Variants in TNFSF10 observed in about 807,000 individuals in gnomAD.
The protein encoded by TNFSF10 is TNF superfamily member 10.
Under a neutral mutation model 29.5 loss-of-function variants are expected in TNFSF10, and 13 were observed. That is an observed-to-expected ratio of 0.44 (90% CI 0.29 to 0.70). The LOEUF is 0.70. Ranked by LOEUF, TNFSF10 falls within the 30% of genes least tolerant of loss-of-function variation. The probability of loss-of-function intolerance (pLI) is 0.13; values close to 1 mark genes in which losing one functional copy is unlikely to be tolerated. For synonymous variants in TNFSF10, 111 were observed against 112.8 expected (o/e 0.98, Z 0.10); for missense variants, 345 against 330.9 (o/e 1.04, Z -0.33).
intron 1 of TNFSF10, chr3:172,517,266 G>A: frequency 1.1e-6 from 1 of 919,286 alleles, no homozygotes; most frequent in South Asian, 5.0e-5. Flanking sequence ...TGTGCCACAG[G>A]GACTAGCCCA....
At chr3:172,520,568 C>T (rs1713640812) in intron 1 of TNFSF10, among the ~76,000 whole-genome samples, 1 of 152,230 alleles carries the variant, frequency 6.6e-6, no homozygotes, top group South Asian at 2.1e-4. Context: ...TTGAGCCTGA[C>T]TCTACCCTTG....
intron 2 of TNFSF10, among the ~76,000 whole-genome samples, chr3:172,514,141 A>T (rs1487118795): frequency 6.6e-6 from 1 of 152,138 alleles, no homozygotes; most frequent in East Asian, 1.9e-4. Context: ...ACCCGGCTGC[A>T]AATATTATTT....
intron 1 of TNFSF10, chr3:172,517,681 C>T: frequency 1.0e-6 from 1 of 985,204 alleles, no homozygotes; most frequent in Non-Finnish European, 1.2e-6. Context: ...TGGTTGTTTT[C>T]TCATAAGACT....
chr3:172,521,974 C>T (rs1450382523), intron 1 of TNFSF10, among the ~76,000 whole-genome samples: 1 of 151,890 alleles, frequency 6.6e-6, no homozygotes, highest in African/African-American at 2.4e-5. Flanking sequence ...TGTTCTCACT[C>T]ATAAGTGGGA....
chr3:172,519,161 T>A (rs1713570263), intron 1 of TNFSF10, among the ~76,000 whole-genome samples: 1 of 152,224 alleles, frequency 6.6e-6, no homozygotes, highest in Admixed American at 6.5e-5. Flanking sequence ...TACACAGTAA[T>A]TGCTCAATAT....
At chr3:172,517,213 A>G (rs1313337356) in intron 1 of TNFSF10, 3 of 564,748 alleles carry the variant, frequency 5.3e-6, no homozygotes, top group East Asian at 1.4e-4. Flanking sequence ...GCAACAACTT[A>G]TCAACTGAGG....
intron 2 of TNFSF10, among the ~76,000 whole-genome samples, chr3:172,512,102 T>C (rs1370429286): frequency 6.6e-6 from 1 of 152,160 alleles, no homozygotes; most frequent in Admixed American, 6.5e-5. Flanking sequence ...CTTAAAATTA[T>C]TGGACAGACC....
intron 2 of TNFSF10, among the ~76,000 whole-genome samples, chr3:172,512,120 C>T (rs189145397): frequency 6.6e-6 from 1 of 152,184 alleles, no homozygotes; most frequent in East Asian, 1.9e-4. Context: ...ACCCAAGCCT[C>T]AAGATGCAGG....
rs1241445831 is a variant in TNFSF10, at chr3:172,515,111, TTGAG to T, written c.133-117_133-114del. ...GCAGACTTAAAGAAGTTTTGGCATA[TTGAG>T]TAAGTTCCTGTTTGAAATAAAAGTA... On this transcript the variant is annotated intron_variant, in intron 1 of 4. Transcript: ENST00000241261. 1.1e-5 allele frequency: 15 copies of T among 1,401,870 alleles called. 1 individual carries two copies. The highest frequency in any genetic ancestry group is 3.7e-4 in the Middle Eastern group (2 of 5,358). The allele number at this position is 1,401,870 out of a possible 1,614,324, so 86.8% of individuals were successfully genotyped here.
intron 2 of TNFSF10, among the ~76,000 whole-genome samples, chr3:172,513,528 T>C (rs1237695138): frequency 6.6e-6 from 1 of 152,212 alleles, no homozygotes; most frequent in African/African-American, 2.4e-5. Context: ...CTAGGACTCC[T>C]AGAAGGAAGT....
chr3:172,517,655 T>A, intron 1 of TNFSF10: 4 of 985,428 alleles, frequency 4.1e-6, no homozygotes, highest in Non-Finnish European at 4.8e-6. Context: ...ACTGTGTGTG[T>A]GCATAATTTT....
intron 1 of TNFSF10, chr3:172,518,271 G>T: frequency 2.6e-6 from 3 of 1,160,294 alleles, no homozygotes; most frequent in South Asian, 3.5e-5. Context: ...AGAAGCCCTT[G>T]GTTCTGAAAA....
Position 172,506,841 on chromosome 3 carries a change from T to C in TNFSF10, c.497A>G (p.Asn166Ser), listed in dbSNP as rs1713006962. Residue 166 changes from asparagine to serine, a missense_variant, in exon 5 of 5, where the codon AAC (asparagine) becomes AGC (serine). Transcript: ENST00000241261. ...CAGTTCACCATTCCTCAAGTGCAAG[T>C]TGCTCAGGAATGAATGCCCACTCCT... Reference protein sequence around the residue: ...SSRSGHSFLSNLHLRNGELVI... With the variant: ...SSRSGHSFLSSLHLRNGELVI... 1 of 1,614,082 alleles carries C rather than the reference T, an allele frequency of 6.2e-7. No individual in the cohort carries two copies. Among genetic ancestry groups the C allele is most frequent in the African/African-American group, 1.3e-5 (1 of 74,938 alleles).
At chr3:172,510,343 T>C (rs1306001024) in intron 3 of TNFSF10, among the ~76,000 whole-genome samples, 6 of 152,086 alleles carry the variant, frequency 3.9e-5, no homozygotes, top group Admixed American at 6.6e-5. Context: ...GTAGTCCTAC[T>C]ATTCGGGAAG....
chr3:172,510,531 C>T (rs1713177273), intron 3 of TNFSF10, among the ~76,000 whole-genome samples: 1 of 152,150 alleles, frequency 6.6e-6, no homozygotes, highest in South Asian at 2.1e-4. Context: ...TTATAGCAAA[C>T]ACCTCCCAAA....
At position 172,506,285 on chromosome 3, in the gene TNFSF10, C is replaced by G. The variant is rs1131535; in HGVS notation, c.*207G>C. The G allele has an allele frequency of 1.5e-5, 8 of 517,182 alleles. No individual in the cohort carries two copies. The highest frequency in any genetic ancestry group is 2.3e-5 in the Non-Finnish European group (7 of 298,256). The allele number at this position is 517,182 out of a possible 1,614,324, so 32.0% of individuals were successfully genotyped here. A position where few individuals can be genotyped will look rare whatever the true frequency, so the allele number is the denominator to read the frequency against. ...TGAAAGATCTTTCAGCAATTTCATT[C>G]TCTTGGGATAAGTGAGTCACTTTCA... On this transcript the variant is annotated 3_prime_UTR_variant, in exon 5 of 5. Coordinates refer to ENST00000241261, the MANE Select transcript of TNFSF10 (RefSeq NM_003810.4).
At chr3:172,511,945 G>A (rs1713241544) in intron 2 of TNFSF10, among the ~76,000 whole-genome samples, 1 of 152,228 alleles carries the variant, frequency 6.6e-6, no homozygotes, top group African/African-American at 2.4e-5. Flanking sequence ...CAGTGCAGGA[G>A]GAAGAAGCCA....
At chr3:172,522,454 C>T (rs1199718387) in intron 1 of TNFSF10, 14 of 1,442,258 alleles carry the variant, frequency 9.7e-6, no homozygotes. Context: ...TTATCATTCA[C>T]CACTTAATTG....
chr3:172,512,427 T>A (rs1232696770), intron 2 of TNFSF10, among the ~76,000 whole-genome samples: 2 of 152,214 alleles, frequency 1.3e-5, no homozygotes, highest in East Asian at 3.9e-4. Context: ...TCCTGCCACC[T>A]TCTCCCATCA....
Sources: gnomAD v4.1 joint callset for allele counts (sites outside exome capture counted in the v4.1 genomes callset) on GRCh38, gnomAD v4.1.1 for gene constraint, MANE v1.5 for transcripts, NCBI Gene and HGNC (gene_info 2026-07-23, HGNC 2026-07-21) for gene names.